The following TRIM39 variants were observed in gnomAD, a reference collection of about 807,000 sequenced individuals.
The protein encoded by TRIM39 is tripartite motif containing 39, also known as E3 ubiquitin-protein ligase TRIM39.
A neutral mutation model predicts 53.6 loss-of-function variants in TRIM39; 5 were observed. The observed-to-expected ratio is 0.09, with a 90% confidence interval of 0.05 to 0.20. The LOEUF is 0.20. TRIM39 is among the 10% of genes least tolerant of loss of function. The pLI, the probability that TRIM39 is intolerant of heterozygous loss-of-function variation, is 1.00. For synonymous variants in TRIM39, 196 were observed against 237.6 expected, an observed-to-expected ratio of 0.82 and a Z score of 1.61; for missense variants, 310 against 621.0, an observed-to-expected ratio of 0.50 and a Z score of 5.32.
chr6:30,341,658 G>C, intron 7 of TRIM39, 54 bp from the exon 8 acceptor site: 1 of 1,549,274 alleles, frequency 6.5e-7, no homozygotes, highest in Non-Finnish European at 8.7e-7. Flanking sequence ...TGAGGCAGGG[G>C]CATTTAGCTA....
chr6:30,341,832 C>T, exon 8 of TRIM39: 3 of 1,613,004 alleles, frequency 1.9e-6, no homozygotes, highest in Non-Finnish European at 2.5e-6. Context: ...AGGCGTTTCA[C>T]CTTCTACCCT....
rs553555537 is a variant in TRIM39, at chr6:30,338,290, A to G, written c.781-1618A>G. On this transcript the variant is annotated intron_variant, in intron 5 of 7. Coordinates refer to ENST00000396551, the Ensembl canonical transcript of TRIM39. The surrounding 1 kb of genome is among the most constrained non-coding windows in gnomAD (Gnocchi z 4.0). ...AGCTTTCAGCCCATCTTGGCTTTCA[A>G]TGTGCCTTTCTCACTAAGCTTAAAC... Among the ~76,000 whole-genome samples, 8 of 152,244 alleles carry G rather than the reference A, an allele frequency of 5.3e-5. No homozygotes were observed. The highest frequency in any genetic ancestry group is 1.9e-4 in the African/African-American group (8 of 41,540).
intron 4 of TRIM39, among the ~76,000 whole-genome samples, chr6:30,332,990 A>T (rs1252730298): frequency 1.3e-5 from 2 of 152,240 alleles, no homozygotes; most frequent in African/African-American, 4.8e-5. Context: ...AATATAATGA[A>T]ACATAATTGA....
chr6:30,343,290 G>A (rs1055189277), exon 8 of TRIM39: 1 of 152,664 alleles, frequency 6.6e-6, no homozygotes, highest in Non-Finnish European at 1.5e-5. Context: ...GTGGAAGAGG[G>A]TGGTATATAG....
At chr6:30,334,237 C>G (rs1786582210) in intron 4 of TRIM39, among the ~76,000 whole-genome samples, 1 of 152,182 alleles carries the variant, frequency 6.6e-6, no homozygotes, top group Admixed American at 6.5e-5. Context: ...CATTCCCTAT[C>G]CACTTCCTTC....
At chr6:30,336,545 TG>T (rs1277305435) in intron 5 of TRIM39, among the ~76,000 whole-genome samples, 1 of 152,246 alleles carries the variant, frequency 6.6e-6, no homozygotes. Context: ...GGGGTGACTG[TG>T]GTAATTTCTT....
rs1787113136 is a variant in TRIM39 at position 30,338,397 on chromosome 6, T to C, written c.781-1511T>C. On this transcript the variant is annotated intron_variant, in intron 5 of 7. Coordinates refer to ENST00000396551, the Ensembl canonical transcript of TRIM39. This position sits in a 1 kb window ranked among gnomAD's most constrained non-coding sequence, Gnocchi z 4.0. Reference sequence around the variant, plus strand: ...TTAGAGGCCATTGCAGGATTATTAATTGATATAATTTTAATATCGTTGTGT... The same window carrying C: ...TTAGAGGCCATTGCAGGATTATTAACTGATATAATTTTAATATCGTTGTGT... 6.6e-6 allele frequency among the ~76,000 whole-genome samples: 1 copy of C among 152,008 alleles called. No homozygotes were observed. Among genetic ancestry groups the C allele is most frequent in the African/African-American group, 2.4e-5 (1 of 41,376 alleles).
intron 3 of TRIM39, among the ~76,000 whole-genome samples, chr6:30,329,999 T>G (rs1785925417): frequency 6.6e-6 from 1 of 152,216 alleles, no homozygotes; most frequent in East Asian, 1.9e-4. Flanking sequence ...ATGTGAGTCT[T>G]ATGGGTGAAT....
intron 1 of TRIM39, among the ~76,000 whole-genome samples, chr6:30,328,571 T>C (rs1785705273): frequency 1.3e-5 from 2 of 152,242 alleles, no homozygotes; most frequent in South Asian, 4.1e-4. Flanking sequence ...TCTTTGCTTA[T>C]CTGTGGTGGC....
intron 1 of TRIM39, chr6:30,327,300 C>T (rs1785474430): frequency 6.5e-6 from 1 of 152,876 alleles, no homozygotes; most frequent in Non-Finnish European, 1.5e-5. Flanking sequence ...GCACGTCACA[C>T]CTCTTTCTCA....
intron 4 of TRIM39, among the ~76,000 whole-genome samples, chr6:30,332,915 A>G (rs1786359919): frequency 6.6e-6 from 1 of 152,202 alleles, no homozygotes; most frequent in Non-Finnish European, 1.5e-5. Flanking sequence ...CTGAACTGAA[A>G]ATTACAGGTA....
At chr6:30,336,129 A>G in intron 5 of TRIM39, 154 bp downstream of exon 5, 1 of 1,194,210 alleles carries the variant, frequency 8.4e-7, no homozygotes, top group Non-Finnish European at 1.2e-6. Flanking sequence ...TTGCTACGGA[A>G]AAGTGATTTC....
At chr6:30,333,792 CAAG>C (rs536578329) in intron 4 of TRIM39, among the ~76,000 whole-genome samples, 93 of 152,238 alleles carry the variant, frequency 6.1e-4, no homozygotes, top group Non-Finnish European at 2.9e-4. Context: ...CCATGGAAAA[CAAG>C]AAGATGTGCC....
At chr6:30,341,525 T>G in intron 7 of TRIM39, 187 bp from the exon 8 acceptor site, 1 of 879,868 alleles carries the variant, frequency 1.1e-6, no homozygotes, top group Non-Finnish European at 1.8e-6. Context: ...AGGGTCAGGG[T>G]GAGAAGTGAG....
At chr6:30,340,385 G>A (rs779882627) in intron 6 of TRIM39, 120 bp from the exon 7 acceptor site, 18 of 1,611,066 alleles carry the variant, frequency 1.1e-5, no homozygotes, top group East Asian at 2.2e-5. Context: ...GGAGGAGGAA[G>A]AAAGTGGGAA....
intron 6 of TRIM39, 152 bp downstream of exon 6, chr6:30,340,082 G>A (rs1787320093): frequency 7.7e-7 from 1 of 1,296,134 alleles, no homozygotes; most frequent in Non-Finnish European, 1.1e-6. Context: ...CATGAAGCCA[G>A]TTAGAGAACA....
intron 4 of TRIM39, among the ~76,000 whole-genome samples, chr6:30,333,631 G>T (rs1464178077): frequency 6.6e-6 from 1 of 151,720 alleles, no homozygotes; most frequent in Non-Finnish European, 1.5e-5. Context: ...AAAGTGCTGG[G>T]ATTACAGGCG....
rs1786003297 is a variant in TRIM39, at chr6:30,330,440, A to C, written c.454-341A>C. ...GATGGGAGGACAGGTTTAAAGAGAG[A>C]TATTAGGGTACAGAAGGTTGCTTGG... On this transcript the variant is annotated intron_variant, in intron 3 of 7. Coordinates refer to ENST00000396551, the Ensembl canonical transcript of TRIM39. Among the ~76,000 whole-genome samples, 4 of 152,262 alleles carry C rather than the reference A, an allele frequency of 2.6e-5. No individual in the cohort carries two copies. The South Asian group carries it at 8.3e-4, about 32-fold the overall frequency.
At chr6:30,334,830 G>T (rs1786658782) in intron 4 of TRIM39, among the ~76,000 whole-genome samples, 1 of 152,120 alleles carries the variant, frequency 6.6e-6, no homozygotes, top group Non-Finnish European at 1.5e-5. Flanking sequence ...CAGTGTTCAG[G>T]CCATCCATCC....
Sources: allele counts gnomAD v4.1 joint callset (sites outside exome capture counted in the v4.1 genomes callset), GRCh38; gene constraint gnomAD v4.1.1; non-coding constraint Gnocchi (gnomAD v3.1); transcripts MANE v1.5; gene names NCBI Gene and HGNC (gene_info 2026-07-23, HGNC 2026-07-21).